The following CNTN5 variants were observed in gnomAD, a reference collection of about 807,000 sequenced individuals.
CNTN5 encodes contactin 5.
In CNTN5, 77 loss-of-function variants were observed where a neutral mutation model predicts 129.1. The observed-to-expected ratio is 0.60, with a 90% CI of 0.50 to 0.72. The LOEUF is 0.72. Ranked by LOEUF, CNTN5 falls within the 30% of genes least tolerant of loss-of-function variation. The pLI, the probability that CNTN5 is intolerant of heterozygous loss-of-function variation, is 0.00. For missense variants in CNTN5, 1,478 were observed against 1,328.8 expected, an observed-to-expected ratio of 1.11 and a Z score of -1.75; for synonymous variants, 509 against 465.6, an observed-to-expected ratio of 1.09 and a Z score of -1.20.
rs1591298955 is a variant in CNTN5, at chr11:100,135,024, T to G, written c.1581-56102T>G. Among the ~76,000 whole-genome samples, 5 of 152,152 alleles carry G rather than the reference T, an allele frequency of 3.3e-5. No individual in the cohort carries two copies. The South Asian group carries it at 1.0e-3, about 32-fold the overall frequency. ...GTTTGATTAATTGTTAATTCATTCA[T>G]TGATTCATTTAGGGGTTTATTATTA... On this transcript the variant is annotated intron_variant, in intron 13 of 24. Coordinates refer to ENST00000524871, the MANE Select transcript of CNTN5 (RefSeq NM_014361.4).
At chr11:100,249,967 T>C (rs1488429994) in intron 16 of CNTN5, among the ~76,000 whole-genome samples, 1 of 152,168 alleles carries the variant, frequency 6.6e-6, no homozygotes, top group African/African-American at 2.4e-5. Context: ...CACCTTTTTA[T>C]GGTTAAAATT....
intron 1 of CNTN5, among the ~76,000 whole-genome samples, chr11:99,076,440 A>G (rs574421019): frequency 1.4e-3 from 216 of 152,236 alleles, no homozygotes; most frequent in Middle Eastern, 3.4e-3. Context: ...TAGAAACATG[A>G]AAACCACAAA....
chr11:99,284,220 C>G (rs1172719565), intron 1 of CNTN5, among the ~76,000 whole-genome samples: 2 of 151,944 alleles, frequency 1.3e-5, no homozygotes, highest in East Asian at 1.9e-4. Context: ...CTTTAAAATT[C>G]TAGAACAATA....
chr11:100,125,708 A>G (rs1317253500), intron 13 of CNTN5, among the ~76,000 whole-genome samples: 1 of 152,080 alleles, frequency 6.6e-6, no homozygotes, highest in Non-Finnish European at 1.5e-5. Flanking sequence ...GTCAAATGGA[A>G]GTTTGGCTAG....
chr11:99,953,270 T>A (rs1950719197), intron 7 of CNTN5, among the ~76,000 whole-genome samples: 1 of 152,168 alleles, frequency 6.6e-6, no homozygotes, highest in Non-Finnish European at 1.5e-5. Context: ...TAAATAATCA[T>A]CTTTTTAGGG....
intron 18 of CNTN5, among the ~76,000 whole-genome samples, chr11:100,293,707 G>A (rs1249121270): frequency 6.6e-6 from 1 of 151,636 alleles, no homozygotes; most frequent in South Asian, 2.1e-4. Context: ...GTAGAACTAG[G>A]ATTCAAACCC....
chr11:99,548,342 G>A (rs971416976), intron 2 of CNTN5, among the ~76,000 whole-genome samples: 2 of 152,204 alleles, frequency 1.3e-5, no homozygotes, highest in Non-Finnish European at 2.9e-5. Flanking sequence ...AAAATTGAAA[G>A]AGGTTCAGAG....
chr11:99,327,998 A>G (rs1865851857), intron 2 of CNTN5, among the ~76,000 whole-genome samples: 1 of 152,176 alleles, frequency 6.6e-6, no homozygotes, highest in Non-Finnish European at 1.5e-5. Context: ...TCATCAATTC[A>G]TGAAGGGAAA....
intron 2 of CNTN5, among the ~76,000 whole-genome samples, chr11:99,462,360 CTTT>C (rs72276833): frequency 2.0e-4 from 25 of 125,270 alleles, no homozygotes; most frequent in African/African-American, 4.1e-4. Context: ...CTTTTCTTTT[CTTT>C]TTTTTTTTTT....
At chr11:99,280,382 A>G (rs1863639366) in intron 1 of CNTN5, among the ~76,000 whole-genome samples, 1 of 151,872 alleles carries the variant, frequency 6.6e-6, no homozygotes, top group South Asian at 2.1e-4. Context: ...AAAATCGTTT[A>G]GACAAAGGAT....
At chr11:99,569,830 C>T (rs1418379185) in intron 3 of CNTN5, among the ~76,000 whole-genome samples, 4 of 152,094 alleles carry the variant, frequency 2.6e-5, no homozygotes, top group African/African-American at 2.4e-5. Flanking sequence ...AATAATTTTA[C>T]ATTCTCCAAA....
At chr11:99,383,642 T>C (rs1940742301) in intron 2 of CNTN5, among the ~76,000 whole-genome samples, 1 of 152,158 alleles carries the variant, frequency 6.6e-6, no homozygotes, top group East Asian at 1.9e-4. Flanking sequence ...CTATAGAAAT[T>C]ATGTTTGTAT....
chr11:100,080,417 A>G (rs1301456225), intron 13 of CNTN5, among the ~76,000 whole-genome samples: 1 of 152,146 alleles, frequency 6.6e-6, no homozygotes, highest in East Asian at 1.9e-4. Context: ...TTTAACACGC[A>G]TAGAAAATTG....
chr11:99,580,598 AT>A, intron 3 of CNTN5, among the ~76,000 whole-genome samples: 1 of 151,784 alleles, frequency 6.6e-6, no homozygotes, highest in East Asian at 1.9e-4. Flanking sequence ...TTTCTTCTAG[AT>A]TTTCTAGTTT....
At chr11:100,016,640 G>T (rs912462376) in intron 9 of CNTN5, among the ~76,000 whole-genome samples, 1 of 151,840 alleles carries the variant, frequency 6.6e-6, no homozygotes, top group African/African-American at 2.4e-5. Flanking sequence ...TGATGGTAGA[G>T]CCGTATGTAC....
At chr11:99,887,936 C>T (rs572071554) in intron 6 of CNTN5, among the ~76,000 whole-genome samples, 1 of 152,312 alleles carries the variant, frequency 6.6e-6, no homozygotes, top group South Asian at 2.1e-4. Flanking sequence ...TTTGGCAACA[C>T]CCTCACAGAC....
intron 1 of CNTN5, among the ~76,000 whole-genome samples, chr11:99,285,982 G>A (rs1863920950): frequency 1.4e-5 from 2 of 143,730 alleles, no homozygotes; most frequent in Non-Finnish European, 1.5e-5. Context: ...AGGTTGTAGC[G>A]AGGTGAGATT....
intron 1 of CNTN5, among the ~76,000 whole-genome samples, chr11:99,095,909 T>C (rs979630997): frequency 1.3e-5 from 2 of 151,972 alleles, no homozygotes; most frequent in African/African-American, 4.8e-5. Context: ...TCCTTCAATA[T>C]ATAAATTGGT....
At position 100,318,173 on chromosome 11, in the gene CNTN5, C is replaced by A. The variant is rs369828413; in HGVS notation, c.2730+9705C>A. On this transcript the variant is annotated intron_variant, in intron 21 of 24. Coordinates refer to ENST00000524871, the MANE Select transcript of CNTN5 (RefSeq NM_014361.4). ...GGAGAATGGCGTGAACCCGGGAGGC[C>A]GAACTTGCAGTGAGCCGAGATCGCG... Among the ~76,000 whole-genome samples the A allele has an allele frequency of 6.2e-3, 903 of 144,518 alleles. 9 individuals carry two copies. Among genetic ancestry groups the A allele is most frequent in the African/African-American group, 0.022 (842 of 38,570 alleles). 94.8% of individuals were successfully genotyped at this position (144,518 alleles called of 152,430 possible). A position where few individuals can be genotyped will look rare whatever the true frequency, so the allele number is the denominator to read the frequency against.
Sources: allele counts gnomAD v4.1 joint callset (sites outside exome capture counted in the v4.1 genomes callset), GRCh38; gene constraint gnomAD v4.1.1; transcripts MANE v1.5; gene names NCBI Gene and HGNC (gene_info 2026-07-23, HGNC 2026-07-21).